Variants in GALNTL6 observed in about 807,000 individuals in gnomAD.
GALNTL6 encodes polypeptide N-acetylgalactosaminyltransferase like 6.
Under a neutral mutation model 73.7 loss-of-function variants are expected in GALNTL6, and 46 were observed. That is an observed-to-expected ratio of 0.62 (90% confidence interval 0.49 to 0.80). The LOEUF is 0.80. GALNTL6 is among the 30% of genes least tolerant of loss of function. The pLI is 0.00. For synonymous variants in GALNTL6, 259 were observed against 263.7 expected (o/e 0.98, Z 0.17); for missense variants, 604 against 755.0 (o/e 0.80, Z 2.34).
Position 172,952,059 on chromosome 4 carries a change from C to A in GALNTL6, c.1172C>A (p.Thr391Asn). The A allele has an allele frequency of 6.2e-7, 1 of 1,613,964 alleles. No individual in the cohort carries two copies. ...LARNLKRVAE[T>N]WMDEFAEYIY... ...CAGAACCTGAAGCGGGTAGCTGAGA[C>A]CTGGATGGATGAATTTGCCGAGTAC... is the stretch of plus-strand genomic sequence containing the variant. The change falls in exon 10 of 13, where the codon ACC becomes AAC. Residue 391 changes from threonine (T) to asparagine (N), a missense_variant. Thr to Asn is a moderately conservative substitution (Grantham distance 65). Coordinates refer to ENST00000506823, the MANE Select transcript of GALNTL6 (RefSeq NM_001034845.3).
At chr4:171,846,489 C>T (rs1735373945) in intron 2 of GALNTL6, among the ~76,000 whole-genome samples, 1 of 152,054 alleles carries the variant, frequency 6.6e-6, no homozygotes, top group Admixed American at 6.6e-5. Flanking sequence ...TCGTTGGCTG[C>T]ATTTTGAATT....
At chr4:171,872,591 G>A (rs1230350349) in intron 2 of GALNTL6, among the ~76,000 whole-genome samples, 1 of 152,110 alleles carries the variant, frequency 6.6e-6, no homozygotes. Context: ...TGAAATCAAG[G>A]TGTTGGCAGA....
intron 2 of GALNTL6, among the ~76,000 whole-genome samples, chr4:172,229,401 T>C (rs1409341120): frequency 1.3e-5 from 2 of 152,176 alleles, no homozygotes; most frequent in Non-Finnish European, 1.5e-5. Flanking sequence ...CGCTAAATAT[T>C]AGCGTCTCTG....
intron 2 of GALNTL6, among the ~76,000 whole-genome samples, chr4:172,099,153 G>A (rs1045896625): frequency 4.6e-5 from 7 of 151,994 alleles, no homozygotes; most frequent in Admixed American, 3.9e-4. Context: ...CTAGAGAGAC[G>A]AAAAAAACAT....
chr4:172,408,938 TTAG>T lies in GALNTL6; in HGVS notation c.553+60253_553+60255del, dbSNP rs541254985. Among the ~76,000 whole-genome samples the T allele has an allele frequency of 3.3e-5, 5 of 152,222 alleles. No individual in the cohort carries two copies. The East Asian group carries it at 9.6e-4, about 29-fold the overall frequency. On this transcript the variant is annotated intron_variant, in intron 5 of 12. Coordinates refer to ENST00000506823, the MANE Select transcript of GALNTL6 (RefSeq NM_001034845.3). ...ACAAATTATGTTCATTATTTTGAAG[TTAG>T]TAGCAAATGTTAGAAATCACTTACT...
At chr4:172,135,084 TAGC>T (rs1290464032) in intron 2 of GALNTL6, among the ~76,000 whole-genome samples, 1 of 152,176 alleles carries the variant, frequency 6.6e-6, no homozygotes, top group African/African-American at 2.4e-5. Flanking sequence ...CATTGCTTCT[TAGC>T]AGTCATCTAA....
At chr4:172,524,301 T>G (rs1309500629) in intron 5 of GALNTL6, among the ~76,000 whole-genome samples, 1 of 151,954 alleles carries the variant, frequency 6.6e-6, no homozygotes, top group Non-Finnish European at 1.5e-5. Context: ...CAGGCTGGAG[T>G]GCAGTGGTGC....
At chr4:172,466,937 A>C (rs1272960042) in intron 5 of GALNTL6, among the ~76,000 whole-genome samples, 1 of 152,194 alleles carries the variant, frequency 6.6e-6, no homozygotes, top group African/African-American at 2.4e-5. Flanking sequence ...TGCACAGTGC[A>C]CAAGTGTTCC....
rs139489094 is a variant in GALNTL6 at position 172,305,883 on chromosome 4, A to G, written c.248-5731A>G. Among the ~76,000 whole-genome samples, 733 of 152,280 alleles carry G rather than the reference A, an allele frequency of 4.8e-3. 5 individuals are homozygous for G. Among genetic ancestry groups the G allele is most frequent in the African/African-American group, 0.017 (710 of 41,570 alleles). On this transcript the variant is annotated intron_variant, in intron 3 of 12. Transcript: ENST00000506823. The stretch of plus-strand genomic sequence containing the variant: ...TAAAAAGCTTTATCTCATGAGATTC[A>G]TCACTCTGAACACCAAATTGATGTA...
chr4:172,368,566 T>C (rs527569654), intron 5 of GALNTL6, among the ~76,000 whole-genome samples: 1 of 152,344 alleles, frequency 6.6e-6, no homozygotes, highest in South Asian at 2.1e-4. Flanking sequence ...ACAAAGCTCA[T>C]CTAAAACAGC....
intron 2 of GALNTL6, among the ~76,000 whole-genome samples, chr4:171,831,246 G>T (rs1734961084): frequency 6.6e-6 from 1 of 151,978 alleles, no homozygotes. Flanking sequence ...AGCAAGGAGA[G>T]AAAGGGAGAA....
At chr4:171,924,183 T>TACACACACACACACAC (rs371649848) in intron 2 of GALNTL6, among the ~76,000 whole-genome samples, 1 of 142,458 alleles carries the variant, frequency 7.0e-6, no homozygotes, top group African/African-American at 2.6e-5. Context: ...ACCACACACA[T>TACACACACACACACAC]ACACACACAC....
intron 5 of GALNTL6, among the ~76,000 whole-genome samples, chr4:172,381,847 T>C (rs890356450): frequency 5.3e-5 from 8 of 152,220 alleles, no homozygotes; most frequent in African/African-American, 1.4e-4. Context: ...TTATTTATGA[T>C]AGCACAAAAA....
At chr4:172,404,023 T>G (rs1383912311) in intron 5 of GALNTL6, among the ~76,000 whole-genome samples, 1 of 152,010 alleles carries the variant, frequency 6.6e-6, no homozygotes, top group East Asian at 1.9e-4. Flanking sequence ...TTTTACAAAT[T>G]TATTGCCTGC....
intron 5 of GALNTL6, among the ~76,000 whole-genome samples, chr4:172,525,810 C>A (rs1273188242): frequency 6.6e-6 from 1 of 152,148 alleles, no homozygotes; most frequent in African/African-American, 2.4e-5. Flanking sequence ...CTGCAGTGAG[C>A]CACGTTCATG....
chr4:172,724,432 G>A (rs1421273953), intron 5 of GALNTL6, among the ~76,000 whole-genome samples: 1 of 152,156 alleles, frequency 6.6e-6, no homozygotes, highest in East Asian at 1.9e-4. Context: ...GATTATCAAA[G>A]ACCCAGAGTC....
chr4:171,894,631 G>A (rs1397238834), intron 2 of GALNTL6, among the ~76,000 whole-genome samples: 2 of 152,094 alleles, frequency 1.3e-5, no homozygotes, highest in Non-Finnish European at 2.9e-5. Flanking sequence ...CAAAGTGCTG[G>A]GATTACTGGC....
intron 5 of GALNTL6, among the ~76,000 whole-genome samples, chr4:172,664,759 G>A (rs837198): frequency 0.037 from 5,674 of 152,130 alleles, 349 homozygotes; most frequent in African/African-American, 0.12. Flanking sequence ...CAAATTGGCC[G>A]GTTCTTTTGT....
intron 5 of GALNTL6, among the ~76,000 whole-genome samples, chr4:172,469,149 T>C (rs1272020913): frequency 6.6e-6 from 1 of 152,068 alleles, no homozygotes; most frequent in African/African-American, 2.4e-5. Flanking sequence ...AGAACAGGAA[T>C]GGTCATGAGA....
Sources: gnomAD v4.1 joint callset for allele counts (sites outside exome capture counted in the v4.1 genomes callset) on GRCh38, gnomAD v4.1.1 for gene constraint, MANE v1.5 for transcripts, NCBI Gene and HGNC (gene_info 2026-07-23, HGNC 2026-07-21) for gene names.